IRGM: variants seen among roughly 807,000 people sequenced by gnomAD.
IRGM encodes the protein immunity related GTPase M.
For missense variants in IRGM, 288 were observed against 219.9 expected, an observed-to-expected ratio of 1.31 and a Z score of -1.96; for synonymous variants, 98 against 80.6, an observed-to-expected ratio of 1.22 and a Z score of -1.16.
At chr5:150,896,923 A>G in intron 3 of IRGM, 1 of 1,613,334 alleles carries the variant, frequency 6.2e-7, no homozygotes, top group Non-Finnish European at 8.5e-7. Flanking sequence ...TGATGGAAGG[A>G]AACTGTCCCC....
chr5:150,877,498 C>A (rs767011092), intron 1 of IRGM, among the ~76,000 whole-genome samples: 18 of 152,166 alleles, frequency 1.2e-4, no homozygotes, highest in Non-Finnish European at 2.6e-4. Context: ...TGCACACGGC[C>A]TACTGTGGCA....
At chr5:150,898,299 A>T in intron 3 of IRGM, 1 of 1,588,964 alleles carries the variant, frequency 6.3e-7, no homozygotes, top group Non-Finnish European at 8.6e-7. Context: ...CAAAGGCATA[A>T]CCTCCATTTG....
At chr5:150,860,316 G>T (rs761382501) in intron 1 of IRGM, among the ~76,000 whole-genome samples, 4 of 152,160 alleles carry the variant, frequency 2.6e-5, no homozygotes, top group Non-Finnish European at 5.9e-5. Flanking sequence ...ATTGTTTTAT[G>T]AATAAGTGGT....
downstream of IRGM, among the ~76,000 whole-genome samples, chr5:150,852,461 C>A (rs1753990452): frequency 6.6e-6 from 1 of 152,080 alleles, no homozygotes; most frequent in Non-Finnish European, 1.5e-5. Context: ...TCACCTTATT[C>A]AAAATACTAA....
chr5:150,876,435 C>T (rs978550161), intron 1 of IRGM, among the ~76,000 whole-genome samples: 3 of 152,300 alleles, frequency 2.0e-5, no homozygotes, highest in African/African-American at 7.2e-5. Context: ...GAAACAATAA[C>T]GATTCAATTT....
At chr5:150,872,754 TG>T in intron 1 of IRGM, among the ~76,000 whole-genome samples, 1 of 152,172 alleles carries the variant, frequency 6.6e-6, no homozygotes, top group Admixed American at 6.5e-5. Context: ...GATCGCCCAC[TG>T]TGGGTGAGCT....
At chr5:150,898,459 C>G (rs554162967) in intron 3 of IRGM, 3 of 1,613,466 alleles carry the variant, frequency 1.9e-6, no homozygotes, top group African/African-American at 1.3e-5. Flanking sequence ...AGTTCTCCAG[C>G]ATCACATCCC....
intron 3 of IRGM, chr5:150,897,681 T>C (rs1453991429): frequency 1.5e-5 from 3 of 201,588 alleles, no homozygotes; most frequent in African/African-American, 4.6e-5. Context: ...GAAAAATGTT[T>C]CTCAAATACG....
chr5:150,868,903 T>C (rs1050088559), intron 1 of IRGM, among the ~76,000 whole-genome samples: 1 of 152,136 alleles, frequency 6.6e-6, no homozygotes. Context: ...TCTTTATGGT[T>C]CTCTGGGTAT....
intron 1 of IRGM, 101 bp downstream of exon 1, chr5:150,847,321 CT>C (rs1201721049): frequency 6.6e-6 from 1 of 152,322 alleles, no homozygotes; most frequent in East Asian, 1.9e-4. Flanking sequence ...ATATAGGTCA[CT>C]TTTACTTGTC....
At chr5:150,876,279 G>A (rs1754361577) in intron 1 of IRGM, among the ~76,000 whole-genome samples, 1 of 152,160 alleles carries the variant, frequency 6.6e-6, no homozygotes, top group Non-Finnish European at 1.5e-5. Flanking sequence ...CACAGGTCCA[G>A]AAATCAAGGG....
At chr5:150,887,710 A>G (rs1413396003) in intron 3 of IRGM, among the ~76,000 whole-genome samples, 1 of 151,666 alleles carries the variant, frequency 6.6e-6, no homozygotes, top group East Asian at 1.9e-4. Flanking sequence ...ATGACAGGTC[A>G]CCTGCAAAGA....
In IRGM at chr5:150,895,997, A is replaced by G. The variant is rs1489705922; in HGVS notation, c.*141-4592A>G. ...GGGACTTCTCACAGAAGGCTTTCCCACATTCGGTACACTCATACGGCTTCT... is the reference window on the plus strand; with the variant it reads ...GGGACTTCTCACAGAAGGCTTTCCCGCATTCGGTACACTCATACGGCTTCT... On this transcript the variant is annotated intron_variant and NMD_transcript_variant, in intron 3 of 3. Coordinates refer to the IRGM transcript ENST00000520549. The G allele has an allele frequency of 8.1e-6, 13 of 1,613,322 alleles. No individual in the cohort carries two copies. In the African/African-American group the frequency reaches 1.5e-4, roughly 18 times the overall value.
At chr5:150,884,635 T>A (rs1171712840) in intron 3 of IRGM, among the ~76,000 whole-genome samples, 1 of 152,156 alleles carries the variant, frequency 6.6e-6, no homozygotes, top group Non-Finnish European at 1.5e-5. Flanking sequence ...AGATGTTATC[T>A]CATTGTGGTT....
chr5:150,895,587 C>T (rs754968565), intron 3 of IRGM: 4 of 1,613,568 alleles, frequency 2.5e-6, no homozygotes, highest in Non-Finnish European at 3.4e-6. Flanking sequence ...ACATTCAGCA[C>T]ATATGTAAGG....
intron 1 of IRGM, among the ~76,000 whole-genome samples, chr5:150,855,618 T>C (rs1017691014): frequency 2.0e-5 from 3 of 152,172 alleles, no homozygotes; most frequent in African/African-American, 4.8e-5. Context: ...TTTTCCAACA[T>C]GGTAGATTCT....
intron 3 of IRGM, among the ~76,000 whole-genome samples, chr5:150,884,237 TTTATAC>T (rs1212622459): frequency 6.6e-6 from 1 of 152,048 alleles, no homozygotes; most frequent in Non-Finnish European, 1.5e-5. Context: ...ATATTTATAC[TTTATAC>T]TTATATTTAT....
At chr5:150,866,375 G>A (rs1754209427) in intron 1 of IRGM, among the ~76,000 whole-genome samples, 1 of 152,146 alleles carries the variant, frequency 6.6e-6, no homozygotes, top group Non-Finnish European at 1.5e-5. Context: ...CATGGCACTG[G>A]CATACTCTAA....
intron 1 of IRGM, among the ~76,000 whole-genome samples, chr5:150,854,286 T>C (rs910767370): frequency 6.6e-6 from 1 of 152,150 alleles, no homozygotes; most frequent in Non-Finnish European, 1.5e-5. Context: ...CATGGATTTA[T>C]AATTATTTTT....
Sources: gnomAD v4.1 joint callset for allele counts (sites outside exome capture counted in the v4.1 genomes callset) on GRCh38, gnomAD v4.1.1 for gene constraint, MANE v1.5 for transcripts, NCBI Gene and HGNC (gene_info 2026-07-23, HGNC 2026-07-21) for gene names.